The following AVL9 variants were observed in gnomAD, a reference collection of about 807,000 sequenced individuals.
AVL9 encodes late secretory pathway protein AVL9 homolog.
Under a neutral mutation model 79.2 loss-of-function variants are expected in AVL9, and 49 were observed. The ratio of observed to expected loss-of-function variants is 0.62; its 90% CI spans 0.49 to 0.79. AVL9 has a LOEUF of 0.79. AVL9 is among the 30% of genes least tolerant of loss of function. AVL9 has a pLI of 0.00. For synonymous variants in AVL9, 299 were observed against 280.6 expected (o/e 1.07, Z -0.65); for missense variants, 682 against 776.8 (o/e 0.88, Z 1.45).
chr7:32,547,640 C>T (rs1423533678), intron 3 of AVL9, among the ~76,000 whole-genome samples: 1 of 152,162 alleles, frequency 6.6e-6, no homozygotes, highest in Admixed American at 6.5e-5. Context: ...GCCCATTTTC[C>T]CAGTGATTGC....
intron 1 of AVL9, among the ~76,000 whole-genome samples, chr7:32,541,070 T>A (rs920227322): frequency 4.6e-5 from 7 of 151,638 alleles, no homozygotes; most frequent in African/African-American, 1.7e-4. Context: ...TCTGGCTAAT[T>A]TTTTGTATTT....
intron 3 of AVL9, among the ~76,000 whole-genome samples, chr7:32,547,521 G>A (rs538552571): frequency 6.6e-6 from 1 of 152,286 alleles, no homozygotes; most frequent in Admixed American, 6.5e-5. Context: ...TACCAAGTGG[G>A]TCTTATCCCT....
chr7:32,575,588 ATCAGTATGTTTATTCACTG>A (rs377619336), intron 12 of AVL9, among the ~76,000 whole-genome samples: 93 of 152,218 alleles, frequency 6.1e-4, no homozygotes, highest in Non-Finnish European at 2.5e-4. Context: ...ATACATATCA[ATCAGTATGTTTATTCACTG>A]TCAAGCATAC....
intron 8 of AVL9, among the ~76,000 whole-genome samples, chr7:32,555,587 G>T (rs1723612129): frequency 6.6e-6 from 1 of 152,196 alleles, no homozygotes; most frequent in African/African-American, 2.4e-5. Flanking sequence ...TTATTTACTT[G>T]CTGTTTATGG....
intron 13 of AVL9, among the ~76,000 whole-genome samples, chr7:32,579,411 A>ATGTTAT (rs1562801474): frequency 0.011 from 37 of 3,254 alleles, no homozygotes; most frequent in Non-Finnish European, 0.016. Flanking sequence ...TATTATATAT[A>ATGTTAT]ATATGTTATA....
rs1178466257 is a variant in AVL9, at chr7:32,529,117, C to T, written c.94-14024C>T. Among the ~76,000 whole-genome samples, 3 of 152,188 alleles carry T rather than the reference C, an allele frequency of 2.0e-5. No homozygotes were observed. In the South Asian group the frequency reaches 6.2e-4, roughly 32 times the overall value. On this transcript the variant is annotated intron_variant, in intron 1 of 15. Transcript: ENST00000318709. ...TAAAAACAGTATTTTGTCAGATTTACTTTAAAGATCTAATTGACTTTCATT... is the reference window on the plus strand; with the variant it reads ...TAAAAACAGTATTTTGTCAGATTTATTTTAAAGATCTAATTGACTTTCATT...
chr7:32,579,427 A>AT, intron 13 of AVL9, among the ~76,000 whole-genome samples: 59 of 2,418 alleles, frequency 0.024, 11 homozygotes, highest in African/African-American at 0.11. Flanking sequence ...TTATATATAT[A>AT]ATATATATAT....
At chr7:32,505,296 C>T (rs988419804) in intron 1 of AVL9, among the ~76,000 whole-genome samples, 15 of 151,448 alleles carry the variant, frequency 9.9e-5, no homozygotes, top group African/African-American at 3.1e-4. Context: ...GAGGCCAAGG[C>T]GGGCAGATCA....
rs538383044 is a variant in AVL9 at position 32,565,112 on chromosome 7, G to A, written c.1216-4908G>A. 3.9e-5 allele frequency among the ~76,000 whole-genome samples: 6 copies of A among 152,298 alleles called. No individual in the cohort carries two copies. The East Asian group carries it at 1.2e-3, about 29-fold the overall frequency. On this transcript the variant is annotated intron_variant, in intron 10 of 15. Coordinates refer to ENST00000318709, the MANE Select transcript of AVL9 (RefSeq NM_015060.3). ...GCACATTGGAGCAAAATAGTTAGTG[G>A]AGGACTGGCCAGAAAGGACTGGAGC... is the stretch of plus-strand genomic sequence containing the variant.
rs543517595 is a variant in AVL9, at chr7:32,543,243, G to T, written c.196G>T (p.Ala66Ser). 51 of 1,614,038 alleles carry T rather than the reference G, an allele frequency of 3.2e-5. No individual in the cohort carries two copies. The highest frequency in any genetic ancestry group is 4.2e-5 in the Non-Finnish European group (49 of 1,179,970). ...GCCCTTCCTTGCCTTACCAGATGGC[G>T]CACACAACTACCAGGAAGGTATGTA... ...YLPFLALPDGAHNYQEDTVFF... is the reference protein window; with the variant it reads ...YLPFLALPDGSHNYQEDTVFF... Residue 66 changes from alanine to serine, a missense_variant, in exon 2 of 16, where the codon GCA becomes TCA. Ala to Ser is a moderately conservative substitution (Grantham distance 99). Transcript: ENST00000318709.
At chr7:32,567,708 TTA>T (rs1297911595) in intron 10 of AVL9, among the ~76,000 whole-genome samples, 1 of 151,394 alleles carries the variant, frequency 6.6e-6, no homozygotes, top group Non-Finnish European at 1.5e-5. Context: ...TATTTTATTT[TTA>T]TTTATTTATT....
intron 3 of AVL9, among the ~76,000 whole-genome samples, chr7:32,545,007 G>T (rs748427357): frequency 2.0e-5 from 3 of 152,124 alleles, no homozygotes; most frequent in Non-Finnish European, 2.9e-5. Context: ...ATTGCTTTTA[G>T]ATAGTGATAC....
intron 1 of AVL9, chr7:32,535,634 A>G (rs1168118117): frequency 6.6e-6 from 1 of 152,190 alleles, no homozygotes; most frequent in Non-Finnish European, 1.5e-5. Flanking sequence ...TGTTAAATTT[A>G]TCTTGGCAGA....
At chr7:32,539,558 T>C (rs1789080677) in intron 1 of AVL9, among the ~76,000 whole-genome samples, 1 of 152,200 alleles carries the variant, frequency 6.6e-6, no homozygotes, top group African/African-American at 2.4e-5. Context: ...CCAGCCTTTA[T>C]TCAAGATGGA....
chr7:32,573,077 G>C, intron 11 of AVL9, 122 bp from the exon 12 acceptor site: 1 of 705,146 alleles, frequency 1.4e-6, no homozygotes, highest in Admixed American at 2.5e-5. Context: ...CTCACCTTTT[G>C]AGAATGCCAT....
intron 1 of AVL9, among the ~76,000 whole-genome samples, chr7:32,542,184 CTTTTT>C (rs113254142): frequency 7.2e-6 from 1 of 138,138 alleles, no homozygotes; most frequent in Non-Finnish European, 1.6e-5. Flanking sequence ...TTTTACAGTC[CTTTTT>C]TTTTTTTTTT....
Position 32,570,133 on chromosome 7 carries a change from C to T in AVL9, c.1329C>T (p.His443=), listed in dbSNP as rs756193577. Residue 443 remains histidine (H), a synonymous_variant, in exon 11 of 16, where the codon CAC becomes CAT. Coordinates refer to ENST00000318709, the MANE Select transcript of AVL9 (RefSeq NM_015060.3). Reference sequence around the variant, plus strand: ...ACATCCTTTTTCGACAACAGAAACACCTCAGTGATGCCATTGTGGAAGTAC... The same window carrying T: ...ACATCCTTTTTCGACAACAGAAACATCTCAGTGATGCCATTGTGGAAGTAC... ...ATNILFRQQK[H]LSDAIVEVEE... 1 of 1,614,178 alleles carries T rather than the reference C, an allele frequency of 6.2e-7. No homozygotes were observed. Among genetic ancestry groups the T allele is most frequent in the Admixed American group, 1.7e-5 (1 of 60,024 alleles).
chr7:32,548,144 C>CTGTCTTTTTTTTTTTTTTTT (rs1227025763), intron 3 of AVL9, among the ~76,000 whole-genome samples: 9 of 57,594 alleles, frequency 1.6e-4, no homozygotes, highest in African/African-American at 4.9e-4. Context: ...TTTGTCATCT[C>CTGTCTTTTTTTTTTTTTTTT]TTTTTTCTTT....
At chr7:32,554,453 G>T in intron 7 of AVL9, 105 bp from the exon 8 acceptor site, 14 of 532,662 alleles carry the variant, frequency 2.6e-5, no homozygotes, top group Admixed American at 3.8e-5. Flanking sequence ...TTTTTAAAGT[G>T]CTGTATTTAG....
Sources: gnomAD v4.1 joint callset for allele counts (sites outside exome capture counted in the v4.1 genomes callset) on GRCh38, gnomAD v4.1.1 for gene constraint, MANE v1.5 for transcripts, NCBI Gene and HGNC (gene_info 2026-07-23, HGNC 2026-07-21) for gene names.